FRMD4A: variants seen among roughly 807,000 people sequenced by gnomAD.
FRMD4A encodes FERM domain-containing protein 4A.
A neutral mutation model predicts 129.1 loss-of-function variants in FRMD4A; 29 were observed. That is an observed-to-expected ratio of 0.22 (90% CI 0.17 to 0.31). FRMD4A has a LOEUF of 0.31. Ranked by LOEUF, FRMD4A falls within the 10% of genes least tolerant of loss-of-function variation. The probability of loss-of-function intolerance (pLI) is 1.00; values close to 1 mark genes in which losing one functional copy is unlikely to be tolerated. For missense variants in FRMD4A, 1,272 were observed against 1,375.8 expected, an observed-to-expected ratio of 0.92 and a Z score of 1.19; for synonymous variants, 634 against 571.6, an observed-to-expected ratio of 1.11 and a Z score of -1.56.
intron 12 of FRMD4A, among the ~76,000 whole-genome samples, chr10:13,732,841 C>T (rs1411877619): frequency 6.6e-6 from 1 of 152,250 alleles, no homozygotes; most frequent in Non-Finnish European, 1.5e-5. Context: ...GCTGGCCACA[C>T]TAGGGAGCCT....
chr10:13,934,795 G>A (rs1221551755), intron 2 of FRMD4A, among the ~76,000 whole-genome samples: 2 of 152,178 alleles, frequency 1.3e-5, no homozygotes, highest in Non-Finnish European at 2.9e-5. Flanking sequence ...AGGTTATGAA[G>A]AGAACCATGT....
intron 2 of FRMD4A, among the ~76,000 whole-genome samples, chr10:14,049,901 C>T (rs975195051): frequency 5.9e-5 from 9 of 152,132 alleles, no homozygotes; most frequent in East Asian, 1.9e-4. Context: ...GGCTTTTACG[C>T]GTTGACTGTC....
chr10:14,137,397 C>A (rs1839593835), intron 2 of FRMD4A, among the ~76,000 whole-genome samples: 1 of 152,180 alleles, frequency 6.6e-6, no homozygotes. Flanking sequence ...TAAAAATGTG[C>A]TGCATTTGAC....
intron 3 of FRMD4A, among the ~76,000 whole-genome samples, chr10:13,844,894 C>T (rs1042551858): frequency 7.2e-5 from 11 of 152,174 alleles, no homozygotes; most frequent in African/African-American, 2.4e-4. Flanking sequence ...TATTGGGAAG[C>T]AACAGTTAGT....
chr10:14,267,696 G>T (rs1845025112), intron 2 of FRMD4A, among the ~76,000 whole-genome samples: 1 of 152,092 alleles, frequency 6.6e-6, no homozygotes, highest in Admixed American at 6.6e-5. Context: ...GTTTGCGTTG[G>T]GATAAATAAA....
intron 2 of FRMD4A, among the ~76,000 whole-genome samples, chr10:13,944,846 T>A (rs569337181): frequency 1.3e-5 from 2 of 152,344 alleles, no homozygotes; most frequent in South Asian, 4.1e-4. Flanking sequence ...AGAAAGCAAC[T>A]TCTTATCCTT....
At chr10:13,790,250 C>T (rs541427559) in intron 5 of FRMD4A, among the ~76,000 whole-genome samples, 5 of 152,076 alleles carry the variant, frequency 3.3e-5, no homozygotes, top group Non-Finnish European at 7.4e-5. Context: ...GAGGTGACAA[C>T]GAAAGGGGAG....
chr10:13,820,714 G>T (rs1012994026), intron 3 of FRMD4A, among the ~76,000 whole-genome samples: 26 of 152,204 alleles, frequency 1.7e-4, no homozygotes, highest in African/African-American at 6.3e-4. Flanking sequence ...CCCAGTGACT[G>T]CTAAGCTGCC....
intron 21 of FRMD4A, among the ~76,000 whole-genome samples, chr10:13,658,591 G>A (rs1342363084): frequency 6.6e-6 from 1 of 152,188 alleles, no homozygotes; most frequent in East Asian, 1.9e-4. Flanking sequence ...TTTAGAAAAA[G>A]AAGGTGTGGC....
chr10:14,292,799 CA>C (rs149436368), intron 2 of FRMD4A, among the ~76,000 whole-genome samples: 120 of 145,566 alleles, frequency 8.2e-4, no homozygotes, highest in African/African-American at 2.6e-3. Context: ...GACTCTGCCT[CA>C]AAAAAAAAAC....
At chr10:14,191,667 A>G (rs1381340271) in intron 2 of FRMD4A, among the ~76,000 whole-genome samples, 1 of 152,226 alleles carries the variant, frequency 6.6e-6, no homozygotes, top group Non-Finnish European at 1.5e-5. Context: ...GTCTTTAACT[A>G]TAGGGCCGTT....
intron 2 of FRMD4A, among the ~76,000 whole-genome samples, chr10:14,170,001 C>G (rs1841391600): frequency 1.3e-5 from 2 of 152,114 alleles, no homozygotes; most frequent in Non-Finnish European, 2.9e-5. Flanking sequence ...AGGTGGAACA[C>G]AGTGGATCAT....
intron 2 of FRMD4A, among the ~76,000 whole-genome samples, chr10:14,152,473 A>G (rs1479789345): frequency 6.6e-6 from 1 of 152,132 alleles, no homozygotes; most frequent in East Asian, 1.9e-4. Flanking sequence ...GTTACTCCAT[A>G]AGTAGAAAAT....
chr10:14,093,468 C>T (rs532293638), intron 2 of FRMD4A, among the ~76,000 whole-genome samples: 1 of 152,224 alleles, frequency 6.6e-6, no homozygotes, highest in African/African-American at 2.4e-5. Context: ...AGAAATTAAT[C>T]AAAGAATAAT....
At chr10:13,681,569 T>A (rs191185673) in intron 15 of FRMD4A, among the ~76,000 whole-genome samples, 2 of 148,514 alleles carry the variant, frequency 1.3e-5, no homozygotes, top group Admixed American at 6.6e-5. Context: ...TATGTATATA[T>A]GTATATGTGT....
chr10:13,708,329 G>A (rs1049601723), intron 12 of FRMD4A, among the ~76,000 whole-genome samples: 1 of 152,196 alleles, frequency 6.6e-6, no homozygotes, highest in Non-Finnish European at 1.5e-5. Flanking sequence ...CCAGGCTGGG[G>A]ACACTGCTAG....
intron 2 of FRMD4A, among the ~76,000 whole-genome samples, chr10:14,295,303 T>C (rs779533644): frequency 1.3e-5 from 2 of 152,202 alleles, no homozygotes; most frequent in Non-Finnish European, 2.9e-5. Context: ...ATGAAATACC[T>C]AACTTCCACT....
chr10:13,920,376 T>C (rs1470961812), intron 2 of FRMD4A, among the ~76,000 whole-genome samples: 1 of 152,228 alleles, frequency 6.6e-6, no homozygotes, highest in Non-Finnish European at 1.5e-5. Flanking sequence ...CTGAATGCCT[T>C]TAAGGTGTCC....
intron 15 of FRMD4A, chr10:13,675,782 G>A (rs1181849652): frequency 6.6e-6 from 1 of 152,070 alleles, no homozygotes; most frequent in Non-Finnish European, 1.5e-5. Context: ...GTGTGTTTAT[G>A]ATGAAAACCC....
Sources: gnomAD v4.1 joint callset for allele counts (sites outside exome capture counted in the v4.1 genomes callset) on GRCh38, gnomAD v4.1.1 for gene constraint, MANE v1.5 for transcripts, NCBI Gene and HGNC (gene_info 2026-07-23, HGNC 2026-07-21) for gene names.